The following ATG7 variants were observed in gnomAD, a reference collection of about 807,000 sequenced individuals.
The protein encoded by ATG7 is ubiquitin-like modifier-activating enzyme ATG7.
In ATG7, 70 loss-of-function variants were observed where a neutral mutation model predicts 82.4. The ratio of observed to expected loss-of-function variants is 0.85; its 90% CI spans 0.70 to 1.04. ATG7 has a LOEUF of 1.04. Among genes scored for constraint, ATG7 ranks in the 50% least tolerant of loss-of-function variants. The pLI is 0.00. For missense variants in ATG7, 792 were observed against 864.3 expected (o/e 0.92, Z 1.05); for synonymous variants, 287 against 313.0 (o/e 0.92, Z 0.88).
Position 11,554,813 on chromosome 3 carries a change from C to G in ATG7, c.2082C>G (p.Ile694Met), listed in dbSNP as rs1468361710. 15 of 1,613,498 alleles carry G rather than the reference C, an allele frequency of 9.3e-6. No individual in the cohort carries two copies. The highest frequency in any genetic ancestry group is 1.3e-5 in the Non-Finnish European group (15 of 1,179,756). Residue 694 changes from isoleucine to methionine, a missense_variant and splice_region_variant, in exon 21 of 21, where the codon ATC (isoleucine) becomes ATG (methionine). Ile to Met is a conservative substitution (Grantham distance 10). Transcript: ENST00000693202. ...LLHQETQAAE[I>M]WDMSDDETI Reference sequence around the variant, plus strand: ...AGCCTCTCCCCTTCTCCATGCAGATCTGGGACATGAGCGATGATGAGACCA... The same window carrying G: ...AGCCTCTCCCCTTCTCCATGCAGATGTGGGACATGAGCGATGATGAGACCA...
At chr3:11,440,978 T>TG (rs1358623995) in intron 20 of ATG7, among the ~76,000 whole-genome samples, 1 of 152,060 alleles carries the variant, frequency 6.6e-6, no homozygotes, top group Non-Finnish European at 1.5e-5. Context: ...CCACTGTGCC[T>TG]GGCCCCCATT....
intron 20 of ATG7, among the ~76,000 whole-genome samples, chr3:11,515,359 A>C (rs2092243793): frequency 6.6e-6 from 1 of 152,006 alleles, no homozygotes; most frequent in Non-Finnish European, 1.5e-5. Flanking sequence ...GCTGGAGTGC[A>C]GTGGCACGAT....
intron 3 of ATG7, among the ~76,000 whole-genome samples, chr3:11,287,137 G>A (rs1217982778): frequency 6.6e-6 from 1 of 152,112 alleles, no homozygotes; most frequent in Non-Finnish European, 1.5e-5. Flanking sequence ...ACATTGAAAG[G>A]AATATGAGCC....
chr3:11,372,851 CGT>C (rs10666472), intron 18 of ATG7, among the ~76,000 whole-genome samples: 8 of 83,348 alleles, frequency 9.6e-5, no homozygotes, highest in South Asian at 3.4e-4. Context: ...CGTGCGTGTG[CGT>C]GTGTGTGTGT....
At chr3:11,323,276 T>C (rs951379985) in intron 9 of ATG7, among the ~76,000 whole-genome samples, 1 of 152,178 alleles carries the variant, frequency 6.6e-6, no homozygotes, top group African/African-American at 2.4e-5. Flanking sequence ...AATGCCGAAT[T>C]GAAAAGAGAC....
At chr3:11,565,154 G>C in the ATG7 span, 3 of 918,652 alleles carry the variant, frequency 3.3e-6, no homozygotes, top group Non-Finnish European at 4.4e-6. The surrounding 1 kb of genome is among the most constrained non-coding windows in gnomAD (Gnocchi z 4.1). Context: ...GCAGCACGAT[G>C]AGGAGCCGGT....
At chr3:11,398,235 A>G (rs2079494396) in intron 19 of ATG7, among the ~76,000 whole-genome samples, 1 of 152,232 alleles carries the variant, frequency 6.6e-6, no homozygotes, top group African/African-American at 2.4e-5. Context: ...CCTAACTGAA[A>G]TATAGAATAC....
Position 11,455,698 on chromosome 3 carries a change from G to A in ATG7, c.2079+28772G>A, listed in dbSNP as rs946951061. Among the ~76,000 whole-genome samples the A allele has an allele frequency of 7.2e-5, 11 of 152,114 alleles. No homozygotes were observed. In the South Asian group the frequency reaches 1.9e-3, roughly 26 times the overall value. ...TGTCTTAACCCCTCAGAGTTAGCCC[G>A]AGCTGGCCACAACTACATCTTCAGC... On this transcript the variant is annotated intron_variant, in intron 20 of 20. Transcript: ENST00000693202.
intron 20 of ATG7, among the ~76,000 whole-genome samples, chr3:11,456,296 G>T (rs1364683416): frequency 6.6e-6 from 1 of 152,186 alleles, no homozygotes; most frequent in African/African-American, 2.4e-5. Context: ...GTTCATGCAT[G>T]TTGTAGCATT....
At chr3:11,482,762 C>CT (rs760494467) in intron 20 of ATG7, among the ~76,000 whole-genome samples, 34 of 151,282 alleles carry the variant, frequency 2.2e-4, no homozygotes, top group Admixed American at 7.2e-4. Flanking sequence ...TAATCCAGTG[C>CT]TTTTCAACCC....
At position 11,298,857 on chromosome 3, in the gene ATG7, T is replaced by C. The variant is rs1946354659; in HGVS notation, c.160+2T>C. The stretch of plus-strand genomic sequence containing the variant: ...ACATTAAGGGTTATTACTACAATGG[T>C]AGGTGATTGTAAATTTCATTTTCCA... On this transcript the variant is annotated splice_donor_variant, in intron 4 of 20. Transcript: ENST00000693202. LOFTEE classifies it high-confidence loss of function. The C allele has an allele frequency of 1.2e-6, 2 of 1,613,952 alleles. No individual in the cohort carries two copies. The highest frequency in any genetic ancestry group is 1.7e-6 in the Non-Finnish European group (2 of 1,179,852).
At chr3:11,573,307 G>GAAA in the ATG7 span, among the ~76,000 whole-genome samples, 2 of 19,966 alleles carry the variant, frequency 1.0e-4, no homozygotes, top group East Asian at 1.7e-3. Flanking sequence ...AAGAAAGAAA[G>GAAA]GAAGGAAGGA....
intron 20 of ATG7, among the ~76,000 whole-genome samples, chr3:11,471,730 T>C (rs905223796): frequency 6.9e-6 from 1 of 145,402 alleles, no homozygotes; most frequent in African/African-American, 2.6e-5. Flanking sequence ...CTTCATAGAT[T>C]GGCTTTTTAG....
At chr3:11,356,472 T>C (rs2075941790) in intron 14 of ATG7, among the ~76,000 whole-genome samples, 1 of 152,230 alleles carries the variant, frequency 6.6e-6, no homozygotes, top group Admixed American at 6.5e-5. Context: ...TGTTGAAAGT[T>C]GCTGAATTCC....
chr3:11,340,396 T>G (rs1428283285), intron 11 of ATG7, among the ~76,000 whole-genome samples: 1 of 151,990 alleles, frequency 6.6e-6, no homozygotes, highest in Non-Finnish European at 1.5e-5. Context: ...GAAGCTCCTG[T>G]ACAGGAAGAT....
rs753904614 is a variant in ATG7, at chr3:11,331,455, G to C, written c.767+27G>C. Reference sequence around the variant, plus strand: ...TATTTACAAGAGTGTGTGTTTGTCTGTCTGTCTGCCTTTGCCAGTATATGT... The same window carrying C: ...TATTTACAAGAGTGTGTGTTTGTCTCTCTGTCTGCCTTTGCCAGTATATGT... On this transcript the variant is annotated intron_variant, in intron 10 of 20. Transcript: ENST00000693202. 2.0e-6 allele frequency: 3 copies of C among 1,512,388 alleles called. No homozygotes were observed. In the Admixed American group the frequency reaches 5.0e-5, roughly 25 times the overall value. The allele number at this position is 1,512,388 out of a possible 1,614,324, so 93.7% of individuals were successfully genotyped here.
chr3:11,513,476 G>A (rs897445811), intron 20 of ATG7, among the ~76,000 whole-genome samples: 8 of 152,224 alleles, frequency 5.3e-5, no homozygotes, highest in African/African-American at 1.2e-4. Context: ...CTCTGCAGCC[G>A]CTGGCCTGGG....
intron 19 of ATG7, among the ~76,000 whole-genome samples, chr3:11,419,777 C>G (rs954008887): frequency 6.6e-6 from 1 of 152,154 alleles, no homozygotes; most frequent in Non-Finnish European, 1.5e-5. Context: ...AGGCAATACT[C>G]TAAAAATCAT....
chr3:11,338,347 C>T (rs1952889710), intron 11 of ATG7, among the ~76,000 whole-genome samples: 1 of 152,110 alleles, frequency 6.6e-6, no homozygotes, highest in South Asian at 2.1e-4. Flanking sequence ...TTTTCTTTAT[C>T]CAGTCTGTCA....
Sources: gnomAD v4.1 joint callset for allele counts (sites outside exome capture counted in the v4.1 genomes callset) on GRCh38, gnomAD v4.1.1 for gene constraint, Gnocchi (gnomAD v3.1) non-coding constraint, MANE v1.5 for transcripts, NCBI Gene and HGNC (gene_info 2026-07-23, HGNC 2026-07-21) for gene names.